The following SCFD2 variants were observed in gnomAD, a reference collection of about 807,000 sequenced individuals.
The protein encoded by SCFD2 is sec1 family domain-containing protein 2.
A neutral mutation model predicts 58.9 loss-of-function variants in SCFD2; 54 were observed. That is an observed-to-expected ratio of 0.92 (90% CI 0.74 to 1.15). The LOEUF (loss-of-function observed/expected upper bound fraction) is 1.15. Ranked by LOEUF, SCFD2 falls within the 50% of genes most tolerant of loss-of-function variation. The pLI is 0.00. For synonymous variants in SCFD2, 321 were observed against 335.9 expected (o/e 0.96, Z 0.49); for missense variants, 805 against 836.6 (o/e 0.96, Z 0.47).
At chr4:53,053,095 C>A (rs1308504051) in intron 5 of SCFD2, among the ~76,000 whole-genome samples, 1 of 151,974 alleles carries the variant, frequency 6.6e-6, no homozygotes, top group Non-Finnish European at 1.5e-5. Flanking sequence ...TGTGATGGCA[C>A]ACGCTTGTAA....
chr4:53,050,413 G>C (rs1374501533), intron 5 of SCFD2, among the ~76,000 whole-genome samples: 1 of 152,112 alleles, frequency 6.6e-6, no homozygotes, highest in Admixed American at 6.6e-5. Flanking sequence ...TTGTAGAGGA[G>C]GCCATGAGGA....
At chr4:53,209,153 G>C (rs1156344562) in intron 4 of SCFD2, among the ~76,000 whole-genome samples, 2 of 152,112 alleles carry the variant, frequency 1.3e-5, no homozygotes, top group Non-Finnish European at 2.9e-5. Flanking sequence ...GGGATATACG[G>C]TCAACCCTGT....
At chr4:53,159,523 A>T (rs529649559) in intron 4 of SCFD2, among the ~76,000 whole-genome samples, 1 of 152,202 alleles carries the variant, frequency 6.6e-6, no homozygotes, top group East Asian at 1.9e-4. Flanking sequence ...CCCAGCTTAT[A>T]AGACAATAGA....
In SCFD2 at chr4:53,298,643, C is replaced by A. The variant is rs893165586; in HGVS notation, c.1135+14993G>T. ...TTGAGATCTGAGAAAGGGCAGACTGCCTCCTCAAGTGGGTCCTTGACCCCC... is the reference window on the plus strand; with the variant it reads ...TTGAGATCTGAGAAAGGGCAGACTGACTCCTCAAGTGGGTCCTTGACCCCC... On this transcript the variant is annotated intron_variant, in intron 3 of 8. Coordinates refer to ENST00000401642, the MANE Select transcript of SCFD2 (RefSeq NM_152540.4). Among the ~76,000 whole-genome samples the A allele has an allele frequency of 2.6e-5, 4 of 152,184 alleles. No homozygotes were observed. The East Asian group carries it at 5.8e-4, about 22-fold the overall frequency.
intron 5 of SCFD2, among the ~76,000 whole-genome samples, chr4:53,058,930 G>A (rs2148838467): frequency 6.6e-6 from 1 of 152,262 alleles, no homozygotes; most frequent in East Asian, 1.9e-4. Context: ...ACACAGACAA[G>A]TGGCAAGTAA....
intron 2 of SCFD2, among the ~76,000 whole-genome samples, chr4:53,341,722 C>A (rs548249674): frequency 6.6e-6 from 1 of 152,116 alleles, no homozygotes; most frequent in Non-Finnish European, 1.5e-5. Context: ...GTCGGGTTAC[C>A]CACAAAGGGA....
intron 3 of SCFD2, among the ~76,000 whole-genome samples, chr4:53,297,653 C>T (rs1232687427): frequency 6.6e-6 from 1 of 152,138 alleles, no homozygotes; most frequent in Non-Finnish European, 1.5e-5. Context: ...AGCCCATTTA[C>T]ATTTAAGTTT....
chr4:53,169,876 T>C (rs543443722), intron 4 of SCFD2, among the ~76,000 whole-genome samples: 4 of 152,336 alleles, frequency 2.6e-5, no homozygotes, highest in Non-Finnish European at 4.4e-5. Context: ...CATTCGTTAA[T>C]TGGATTGTTT....
intron 2 of SCFD2, among the ~76,000 whole-genome samples, chr4:53,349,886 T>G (rs1210191857): frequency 6.6e-6 from 1 of 152,250 alleles, no homozygotes; most frequent in East Asian, 1.9e-4. Flanking sequence ...TGGCACAGGG[T>G]AATGGTAAAC....
At chr4:52,987,069 G>A (rs1259988040) in intron 5 of SCFD2, among the ~76,000 whole-genome samples, 1 of 151,456 alleles carries the variant, frequency 6.6e-6, no homozygotes, top group African/African-American at 2.4e-5. Context: ...TCGCTCCGTC[G>A]CCCAGGCTGG....
At chr4:53,074,813 T>C (rs1240163403) in intron 5 of SCFD2, among the ~76,000 whole-genome samples, 1 of 152,170 alleles carries the variant, frequency 6.6e-6, no homozygotes, top group Non-Finnish European at 1.5e-5. Context: ...CAGGGTTTGT[T>C]GTTCCACTGA....
intron 5 of SCFD2, among the ~76,000 whole-genome samples, chr4:53,052,068 A>G (rs1440072302): frequency 6.6e-6 from 1 of 152,204 alleles, no homozygotes; most frequent in Non-Finnish European, 1.5e-5. Context: ...CAAAAATATG[A>G]CATTATTCCC....
At chr4:52,951,684 C>G (rs537754386) in intron 5 of SCFD2, among the ~76,000 whole-genome samples, 1 of 152,162 alleles carries the variant, frequency 6.6e-6, no homozygotes, top group Non-Finnish European at 1.5e-5. Flanking sequence ...AAAGCTTACA[C>G]GAGACCCTCC....
chr4:52,965,171 T>C (rs1021006597), intron 5 of SCFD2, among the ~76,000 whole-genome samples: 1 of 152,218 alleles, frequency 6.6e-6, no homozygotes, highest in African/African-American at 2.4e-5. Flanking sequence ...CTGCATTCTG[T>C]TGCACATATT....
rs745669910 is a variant in SCFD2 at position 53,145,489 on chromosome 4, C to T, written c.1405G>A (p.Glu469Lys). The T allele has an allele frequency of 1.9e-6, 3 of 1,614,154 alleles. No homozygotes were observed. The change falls in exon 5 of 9, where the codon GAG (glutamate) becomes AAG (lysine). Residue 469 changes from glutamate (E) to lysine (K), a missense_variant. Transcript: ENST00000401642. The stretch of plus-strand genomic sequence containing the variant: ...TATATGAGAAGGATCAGCAGTTCCT[C>T]AGGGCTGTAGTCCTCGTTGGTTCTC... Reference protein sequence around the residue: ...TQRTNEDYSPEELLILLIYIY... With the variant: ...TQRTNEDYSPKELLILLIYIY...
chr4:53,043,240 C>A (rs1050054188), intron 5 of SCFD2, among the ~76,000 whole-genome samples: 1 of 152,108 alleles, frequency 6.6e-6, no homozygotes, highest in African/African-American at 2.4e-5. Flanking sequence ...TGTGGGGAAT[C>A]TGATGAAGCC....
intron 2 of SCFD2, among the ~76,000 whole-genome samples, chr4:53,328,341 G>C (rs1043695195): frequency 5.3e-5 from 8 of 152,044 alleles, no homozygotes; most frequent in African/African-American, 1.9e-4. Context: ...AAAAGAATCA[G>C]TGCTCTTAGA....
At chr4:53,214,561 C>T (rs1207117528) in intron 4 of SCFD2, among the ~76,000 whole-genome samples, 2 of 152,012 alleles carry the variant, frequency 1.3e-5, no homozygotes, top group Non-Finnish European at 2.9e-5. Flanking sequence ...AGTCCTTTGT[C>T]AGATGAGTAG....
chr4:53,072,661 C>A (rs1343140287), intron 5 of SCFD2, among the ~76,000 whole-genome samples: 1 of 152,082 alleles, frequency 6.6e-6, no homozygotes, highest in Non-Finnish European at 1.5e-5. Flanking sequence ...AAATGACACA[C>A]CTGGTCCAAC....
Sources: gnomAD v4.1 joint callset for allele counts (sites outside exome capture counted in the v4.1 genomes callset) on GRCh38, gnomAD v4.1.1 for gene constraint, MANE v1.5 for transcripts, NCBI Gene and HGNC (gene_info 2026-07-23, HGNC 2026-07-21) for gene names.